ZSWIM7: variants seen among roughly 807,000 people sequenced by gnomAD.
ZSWIM7 encodes zinc finger SWIM domain-containing protein 7.
Under a neutral mutation model 21.1 loss-of-function variants are expected in ZSWIM7, and 22 were observed. The observed-to-expected ratio is 1.04, with a 90% CI of 0.74 to 1.49. ZSWIM7 has a LOEUF of 1.49. Among genes scored for constraint, ZSWIM7 ranks in the 40% most tolerant of loss-of-function variants. The pLI, the probability that ZSWIM7 is intolerant of heterozygous loss-of-function variation, is 0.00. For missense variants in ZSWIM7, 193 were observed against 168.0 expected (o/e 1.15, Z -0.82); for synonymous variants, 67 against 66.5 (o/e 1.01, Z -0.04).
intron 2 of ZSWIM7, among the ~76,000 whole-genome samples, chr17:15,990,076 T>C (rs1308194437): frequency 6.6e-6 from 1 of 151,810 alleles, no homozygotes; most frequent in Non-Finnish European, 1.5e-5. Context: ...AAAAATTAGC[T>C]GGGCACGGTA....
chr17:15,984,993 T>C (rs929017354), intron 3 of ZSWIM7, among the ~76,000 whole-genome samples: 7 of 152,120 alleles, frequency 4.6e-5, no homozygotes, highest in Non-Finnish European at 8.8e-5. Context: ...ACATCCTCCT[T>C]ATTAAGTGAA....
intron 4 of ZSWIM7, 83 bp downstream of exon 4, chr17:15,980,957 T>A: frequency 1.0e-6 from 1 of 978,564 alleles, no homozygotes; most frequent in Non-Finnish European, 1.5e-6. Context: ...AAGATTCCCA[T>A]TTTGTAGAAT....
rs1444942437 is a variant in ZSWIM7, at chr17:15,979,863, G to C, written c.306+1177C>G. ...ACCTCCCTCCCGGACGGGGCGGCTG[G>C]CCGGGCGGGGGGCTGACCCCCCCAC... On this transcript the variant is annotated intron_variant, in intron 4 of 4. Coordinates refer to ENST00000399277, the MANE Select transcript of ZSWIM7 (RefSeq NM_001042697.2). Among the ~76,000 whole-genome samples the C allele has an allele frequency of 9.7e-5, 9 of 92,432 alleles. 1 individual carries two copies. The highest frequency in any genetic ancestry group is 5.0e-5 in the African/African-American group (1 of 20,014). 60.6% of individuals were successfully genotyped at this position (92,432 alleles called of 152,430 possible).
Position 15,991,928 on chromosome 17 carries a change from G to GT in ZSWIM7, c.98+1828dup, listed in dbSNP as rs202107218. On this transcript the variant is annotated intron_variant, in intron 2 of 4. Transcript: ENST00000399277. The stretch of plus-strand genomic sequence containing the variant: ...TGTTTTTTTTTGTTTGTTTTGTTTT[G>GT]TTTTGTTTTTTTTTTGAGACAGAGT... Among the ~76,000 whole-genome samples the GT allele has an allele frequency of 3.3e-3, 411 of 125,512 alleles. 9 individuals are homozygous for GT. The highest frequency in any genetic ancestry group is 7.0e-3 in the African/African-American group (221 of 31,582). 82.3% of individuals were successfully genotyped at this position (125,512 alleles called of 152,430 possible).
Position 15,978,055 on chromosome 17 carries a change from CT to C in ZSWIM7, c.414del (p.Glu139LysfsTer14). ...LTDILLMEKK[Q>X]EA ...TGCTCAATCTGTACCTTTTATGCTT[CT>C]TGTTTCTTCTCCATCAATAATATGT... On this transcript the variant is annotated frameshift_variant, in exon 5 of 5. Transcript: ENST00000399277. LOFTEE classifies it high-confidence loss of function. 2 of 1,612,848 alleles carry C rather than the reference CT, an allele frequency of 1.2e-6. No homozygotes were observed. Among genetic ancestry groups the C allele is most frequent in the Non-Finnish European group, 1.7e-6 (2 of 1,178,830 alleles).
At chr17:15,984,815 TG>T (rs1970391194) in intron 3 of ZSWIM7, among the ~76,000 whole-genome samples, 1 of 152,222 alleles carries the variant, frequency 6.6e-6, no homozygotes, top group Admixed American at 6.5e-5. Context: ...GTTCCAGATA[TG>T]GGCTGCTTTG....
intron 2 of ZSWIM7, 41 bp from the exon 3 acceptor site, chr17:15,987,409 CAA>C: frequency 1.3e-6 from 2 of 1,532,654 alleles, no homozygotes; most frequent in Non-Finnish European, 1.8e-6. Flanking sequence ...GCCTGATTCT[CAA>C]AGTCACCTCA....
At chr17:15,989,565 G>A (rs112625827) in intron 2 of ZSWIM7, among the ~76,000 whole-genome samples, 22 of 152,174 alleles carry the variant, frequency 1.4e-4, no homozygotes, top group African/African-American at 4.8e-4. Context: ...TGATCCCCCC[G>A]CCTTGGCCTC....
intron 2 of ZSWIM7, 99 bp downstream of exon 2, chr17:15,993,658 G>T: frequency 1.0e-6 from 1 of 966,152 alleles, no homozygotes; most frequent in Non-Finnish European, 1.6e-6. Context: ...GAGCCACTGC[G>T]CCCGGTCAAG....
At chr17:15,993,219 T>C (rs921088368) in intron 2 of ZSWIM7, among the ~76,000 whole-genome samples, 1 of 150,664 alleles carries the variant, frequency 6.6e-6, no homozygotes, top group Non-Finnish European at 1.5e-5. Context: ...AGATGGGGGG[T>C]CTCCCTATTT....
chr17:15,982,906 G>A (rs967120520), intron 3 of ZSWIM7, among the ~76,000 whole-genome samples: 2 of 152,056 alleles, frequency 1.3e-5, no homozygotes, highest in African/African-American at 2.4e-5. Context: ...TCCCACCTTG[G>A]CCTCCCAAAG....
intron 1 of ZSWIM7, among the ~76,000 whole-genome samples, chr17:15,998,161 G>A (rs1032362026): frequency 6.6e-6 from 1 of 151,758 alleles, no homozygotes; most frequent in South Asian, 2.1e-4. Flanking sequence ...TTCAGACACA[G>A]AACAGTTCTG....
intron 4 of ZSWIM7, among the ~76,000 whole-genome samples, chr17:15,978,682 G>C (rs1567788367): frequency 6.6e-6 from 1 of 152,188 alleles, no homozygotes; most frequent in Non-Finnish European, 1.5e-5. Flanking sequence ...GACTTACTTT[G>C]CCTGCTGCTT....
chr17:15,990,120 C>G (rs531317953), intron 2 of ZSWIM7, among the ~76,000 whole-genome samples: 2 of 150,082 alleles, frequency 1.3e-5, no homozygotes, highest in East Asian at 2.0e-4. Context: ...CTTGGGAGAC[C>G]GAGGCAGGAG....
intron 4 of ZSWIM7, among the ~76,000 whole-genome samples, chr17:15,979,446 C>T (rs1016484547): frequency 1.3e-5 from 2 of 152,230 alleles, no homozygotes; most frequent in East Asian, 3.8e-4. Flanking sequence ...CCTTTCCCTG[C>T]TTTCTATTCC....
rs1410812389 is a variant in ZSWIM7, at chr17:15,976,797, A to ATAT, written c.*1247_*1249dup. 2 of 152,182 alleles carry ATAT rather than the reference A, an allele frequency of 1.3e-5. No individual in the cohort carries two copies. The highest frequency in any genetic ancestry group is 4.8e-5 in the African/African-American group (2 of 41,452). 9.4% of individuals were successfully genotyped at this position (152,182 alleles called of 1,614,324 possible). ...CTCCTTCTGCAGTATCCCTGCAACAATATTACATGCTTATGAAATGCTGCA... is the reference window on the plus strand; with the variant it reads ...CTCCTTCTGCAGTATCCCTGCAACAATATTATTACATGCTTATGAAATGCTGCA... On this transcript the variant is annotated 3_prime_UTR_variant, in exon 5 of 5. Coordinates refer to ENST00000399277, the MANE Select transcript of ZSWIM7 (RefSeq NM_001042697.2).
At chr17:15,998,172 G>A (rs74503177) in intron 1 of ZSWIM7, among the ~76,000 whole-genome samples, 3,249 of 151,962 alleles carry the variant, frequency 0.021, 60 homozygotes, top group Non-Finnish European at 0.034. Flanking sequence ...AACAGTTCTG[G>A]CGATTATTGT....
chr17:15,997,120 T>C lies in ZSWIM7; in HGVS notation c.76+2399A>G, dbSNP rs550269220. On this transcript the variant is annotated intron_variant, in intron 1 of 4. Transcript: ENST00000399277. The stretch of plus-strand genomic sequence containing the variant: ...TCAAAGCTACAGTGAGCTTTGATCA[T>C]GCTATTGCACATCAGCCTGGGTGAC... Among the ~76,000 whole-genome samples, 9 of 150,138 alleles carry C rather than the reference T, an allele frequency of 6.0e-5. No homozygotes were observed. The East Asian group carries it at 1.2e-3, about 20-fold the overall frequency.
chr17:15,977,722 CTAAA>C lies in ZSWIM7; in HGVS notation c.*321_*324del, dbSNP rs888817384. 1.3e-4 allele frequency: 22 copies of C among 164,110 alleles called. No homozygotes were observed. The highest frequency in any genetic ancestry group is 2.1e-4 in the Non-Finnish European group (16 of 75,968). The allele number at this position is 164,110 out of a possible 1,614,324, so 10.2% of individuals were successfully genotyped here. ...CCATCTCAAAAGAAAAAAAAAAAGA[CTAAA>C]TAATGTGGACACAACATGATATTAG... On this transcript the variant is annotated 3_prime_UTR_variant, in exon 5 of 5. Transcript: ENST00000399277.
Sources: gnomAD v4.1 joint callset for allele counts (sites outside exome capture counted in the v4.1 genomes callset) on GRCh38, gnomAD v4.1.1 for gene constraint, MANE v1.5 for transcripts, NCBI Gene and HGNC (gene_info 2026-07-23, HGNC 2026-07-21) for gene names.